ATE1: variants seen among roughly 807,000 people sequenced by gnomAD.
The protein encoded by ATE1 is arginyltransferase 1.
ATE1 carries 36 observed loss-of-function variants against 70.5 expected under a neutral mutation model. The ratio of observed to expected loss-of-function variants is 0.51; its 90% CI spans 0.39 to 0.67. The LOEUF is 0.67. Among genes scored for constraint, ATE1 ranks in the 30% least tolerant of loss-of-function variants. The pLI, the probability that ATE1 is intolerant of heterozygous loss-of-function variation, is 0.00. For synonymous variants in ATE1, 232 were observed against 219.3 expected (o/e 1.06, Z -0.51); for missense variants, 593 against 629.5 (o/e 0.94, Z 0.62).
intron 1 of ATE1, chr10:121,926,806 C>A (rs1952111276): frequency 1.0e-6 from 1 of 985,444 alleles, no homozygotes; most frequent in Non-Finnish European, 1.2e-6. Context: ...AAGCCATTTG[C>A]ATCCTGTTGA....
At chr10:121,923,564 A>G (rs1214797790) in intron 2 of ATE1, among the ~76,000 whole-genome samples, 1 of 152,236 alleles carries the variant, frequency 6.6e-6, no homozygotes, top group African/African-American at 2.4e-5. Flanking sequence ...AATCTCATTA[A>G]GTTTAAGGAA....
Position 121,927,909 on chromosome 10 carries a change from T to G in ATE1, c.41A>C (p.Tyr14Ser). 6.3e-7 allele frequency: 1 copy of G among 1,591,410 alleles called. No individual in the cohort carries two copies. The highest frequency in any genetic ancestry group is 8.5e-7 in the Non-Finnish European group (1 of 1,171,702). ...WAGGSPSVVD[Y>S]FPSEDFYRCG... Reference sequence around the variant, plus strand: ...GCGGTAGAAGTCCTCGCTAGGGAAATAGTCCACGACGCTGGGCGAACCCCC... The same window carrying G: ...GCGGTAGAAGTCCTCGCTAGGGAAAGAGTCCACGACGCTGGGCGAACCCCC... Residue 14 changes from tyrosine to serine, a missense_variant, in exon 1 of 12, where the codon TAT (tyrosine) becomes TCT (serine). Physicochemically the swap from Tyr to Ser is moderately radical, Grantham distance 144 (BLOSUM62 -2). Around this residue, in one of 3 missense-constraint regions of ATE1, gnomAD observed 467 missense variants for 469.6 expected, o/e 0.99. Transcript: ENST00000224652.
intron 7 of ATE1, among the ~76,000 whole-genome samples, chr10:121,874,113 A>T (rs1214438225): frequency 6.6e-6 from 1 of 152,210 alleles, no homozygotes; most frequent in Non-Finnish European, 1.5e-5. Flanking sequence ...AATCTAATAA[A>T]ACCTTTATTT....
intron 10 of ATE1, among the ~76,000 whole-genome samples, chr10:121,796,143 A>G (rs577541854): frequency 1.2e-4 from 19 of 152,276 alleles, no homozygotes; most frequent in African/African-American, 4.6e-4. Flanking sequence ...TTAGAAGATG[A>G]CTGCTAGACA....
intron 8 of ATE1, among the ~76,000 whole-genome samples, chr10:121,864,171 AC>A: frequency 6.6e-6 from 1 of 152,290 alleles, no homozygotes; most frequent in Middle Eastern, 3.4e-3. Context: ...GCAGTCCCCA[AC>A]CTTTTTGGCA....
chr10:121,920,521 CAA>C (rs201546841), intron 3 of ATE1, among the ~76,000 whole-genome samples: 2 of 132,736 alleles, frequency 1.5e-5, no homozygotes. Flanking sequence ...GACCCTGTCT[CAA>C]AAAAAAAAAG....
At chr10:121,813,662 G>A (rs766999559) in intron 10 of ATE1, among the ~76,000 whole-genome samples, 16 of 152,166 alleles carry the variant, frequency 1.1e-4, no homozygotes, top group Non-Finnish European at 1.9e-4. Flanking sequence ...GGAAACCCAG[G>A]CTAGATGAAG....
At chr10:121,758,167 G>T (rs1466251714) in intron 11 of ATE1, among the ~76,000 whole-genome samples, 1 of 152,124 alleles carries the variant, frequency 6.6e-6, no homozygotes, top group African/African-American at 2.4e-5. Flanking sequence ...CAAATACATT[G>T]AATCAGTTCA....
intron 11 of ATE1, among the ~76,000 whole-genome samples, chr10:121,778,772 T>C (rs1250098518): frequency 6.6e-6 from 1 of 151,950 alleles, no homozygotes; most frequent in African/African-American, 2.4e-5. Flanking sequence ...CGGCTAATTT[T>C]TGTATTTTTT....
chr10:121,870,295 A>G (rs1019706606), intron 7 of ATE1, among the ~76,000 whole-genome samples: 1 of 152,238 alleles, frequency 6.6e-6, no homozygotes, highest in African/African-American at 2.4e-5. Flanking sequence ...AAAGCACAAC[A>G]AATCAGTCCT....
intron 7 of ATE1, among the ~76,000 whole-genome samples, chr10:121,873,082 C>T (rs1031303384): frequency 6.6e-6 from 1 of 152,070 alleles, no homozygotes; most frequent in Non-Finnish European, 1.5e-5. Context: ...CTAGGAGTAT[C>T]TTGATTTAAC....
chr10:121,867,781 T>C (rs1283737867), intron 8 of ATE1, among the ~76,000 whole-genome samples: 2 of 152,240 alleles, frequency 1.3e-5, no homozygotes, highest in Non-Finnish European at 2.9e-5. Context: ...ATATATCAAA[T>C]GTATTTTATA....
chr10:121,894,699 A>C (rs891461417), intron 7 of ATE1, among the ~76,000 whole-genome samples: 20 of 152,136 alleles, frequency 1.3e-4, no homozygotes, highest in Non-Finnish European at 2.5e-4. Flanking sequence ...GGAGATCAAG[A>C]CCATCCCTGG....
chr10:121,854,125 G>T (rs978592998), intron 8 of ATE1, among the ~76,000 whole-genome samples: 1 of 152,022 alleles, frequency 6.6e-6, no homozygotes, highest in African/African-American at 2.4e-5. Context: ...CTATTGACTG[G>T]GTTATTTTAC....
chr10:121,863,782 T>G (rs572914317), intron 8 of ATE1, among the ~76,000 whole-genome samples: 1 of 152,242 alleles, frequency 6.6e-6, no homozygotes, highest in East Asian at 1.9e-4. Context: ...GATAATTTTT[T>G]TATTTTTCTT....
chr10:121,891,872 T>G (rs1221327741), intron 7 of ATE1, among the ~76,000 whole-genome samples: 1 of 152,188 alleles, frequency 6.6e-6, no homozygotes, highest in African/African-American at 2.4e-5. Flanking sequence ...TAGTTTTCCC[T>G]CTTATATTAA....
At chr10:121,768,598 G>A (rs549002790) in intron 11 of ATE1, among the ~76,000 whole-genome samples, 1 of 152,202 alleles carries the variant, frequency 6.6e-6, no homozygotes, top group South Asian at 2.1e-4. Flanking sequence ...CTGCTGAAAC[G>A]ACCTGCTGTG....
intron 10 of ATE1, among the ~76,000 whole-genome samples, chr10:121,830,339 A>G (rs1409174724): frequency 6.6e-6 from 1 of 152,072 alleles, no homozygotes; most frequent in African/African-American, 2.4e-5. Context: ...TCTCATGGGA[A>G]TGGATGTGTT....
chr10:121,823,663 C>T (rs1432023192), intron 10 of ATE1, among the ~76,000 whole-genome samples: 1 of 152,208 alleles, frequency 6.6e-6, no homozygotes, highest in African/African-American at 2.4e-5. Flanking sequence ...GAAAGCTCCA[C>T]AGATACTGAT....
Sources: gnomAD v4.1 joint callset for allele counts (sites outside exome capture counted in the v4.1 genomes callset) on GRCh38, gnomAD v4.1.1 for gene constraint, gnomAD v4.1.1 regional missense constraint, MANE v1.5 for transcripts, NCBI Gene and HGNC (gene_info 2026-07-23, HGNC 2026-07-21) for gene names.